Variants in MB21D2 observed in about 807,000 individuals in gnomAD.
MB21D2 encodes the protein Mab-21 domain containing 2, also known as nucleotidyltransferase MB21D2.
A neutral mutation model predicts 33.3 loss-of-function variants in MB21D2; 9 were observed. The observed-to-expected ratio is 0.27, with a 90% CI of 0.16 to 0.47. The LOEUF (loss-of-function observed/expected upper bound fraction) is 0.47, where lower values mean the gene tolerates loss of function less well. Ranked by LOEUF, MB21D2 falls within the 20% of genes least tolerant of loss-of-function variation. MB21D2 has a pLI of 0.99. For missense variants in MB21D2, 540 were observed against 624.6 expected (o/e 0.86, Z 1.44); for synonymous variants, 241 against 236.3 (o/e 1.02, Z -0.18).
Position 192,796,824 on chromosome 3 carries a change from C to T in MB21D2, c.*1562G>A, listed in dbSNP as rs1577163692. Reference sequence around the variant, plus strand: ...ACAAACAACAACAAAATTTCAAGGCCAGTATGTTTCTTTTTTTATTATTTT... The same window carrying T: ...ACAAACAACAACAAAATTTCAAGGCTAGTATGTTTCTTTTTTTATTATTTT... On this transcript the variant is annotated 3_prime_UTR_variant, in exon 2 of 2. Transcript: ENST00000392452. 1 of 151,872 alleles carries T rather than the reference C, an allele frequency of 6.6e-6. No individual in the cohort carries two copies. The highest frequency in any genetic ancestry group is 2.1e-4 in the South Asian group (1 of 4,812). 9.4% of individuals were successfully genotyped at this position (151,872 alleles called of 1,614,324 possible). A position where few individuals can be genotyped will look rare whatever the true frequency, so the allele number is the denominator to read the frequency against.
intron 1 of MB21D2, among the ~76,000 whole-genome samples, chr3:192,839,191 A>G (rs1712516021): frequency 6.6e-6 from 1 of 152,226 alleles, no homozygotes; most frequent in Non-Finnish European, 1.5e-5. Context: ...TACAATTACT[A>G]GCATGCTTAT....
At chr3:192,886,623 C>T (rs963153664) in intron 1 of MB21D2, among the ~76,000 whole-genome samples, 2 of 152,120 alleles carry the variant, frequency 1.3e-5, no homozygotes, top group Admixed American at 6.5e-5. Context: ...AAGCACATTT[C>T]ATACTTCTAC....
rs1720568017 is a variant in MB21D2 at position 192,798,417 on chromosome 3, G to A, written c.1445C>T (p.Pro482Leu). Reference sequence around the variant, plus strand: ...AAATTTGTCATCAATTCTGAAATGGGGCCTTGTGACATCGTCAGGATTGAT... The same window carrying A: ...AAATTTGTCATCAATTCTGAAATGGAGCCTTGTGACATCGTCAGGATTGAT... ...VFINPDDVTR[P>L]HFRIDDKFF The change falls in exon 2 of 2, where the codon CCC becomes CTC. Residue 482 changes from proline (P) to leucine (L), a missense_variant. By Grantham distance (98) the Pro-to-Leu change is moderately conservative. Transcript: ENST00000392452. The surrounding 1 kb of genome is among the most constrained non-coding windows in gnomAD (Gnocchi z 4.8). 1 of 1,614,040 alleles carries A rather than the reference G, an allele frequency of 6.2e-7. No individual in the cohort carries two copies. Among genetic ancestry groups the A allele is most frequent in the Admixed American group, 1.7e-5 (1 of 60,000 alleles).
At chr3:192,816,875 T>TAA (rs34663778) in intron 1 of MB21D2, among the ~76,000 whole-genome samples, 8 of 150,022 alleles carry the variant, frequency 5.3e-5, no homozygotes, top group African/African-American at 1.5e-4. Context: ...GTTTCCCCAT[T>TAA]AAAAAAAAAA....
chr3:192,868,827 C>T (rs1040074192), intron 1 of MB21D2, among the ~76,000 whole-genome samples: 1 of 152,122 alleles, frequency 6.6e-6, no homozygotes, highest in African/African-American at 2.4e-5. Context: ...GATAACCCAA[C>T]AGACTGACAT....
intron 1 of MB21D2, among the ~76,000 whole-genome samples, chr3:192,884,755 CAT>C (rs891006263): frequency 1.4e-4 from 22 of 152,084 alleles, no homozygotes; most frequent in African/African-American, 4.8e-4. Flanking sequence ...CACATGCACA[CAT>C]GTGTACAACT....
At chr3:192,871,759 G>A (rs534210128) in intron 1 of MB21D2, among the ~76,000 whole-genome samples, 21 of 152,068 alleles carry the variant, frequency 1.4e-4, no homozygotes, top group Non-Finnish European at 2.6e-4. Flanking sequence ...GGTTAACAGG[G>A]ATGCTTTTTA....
chr3:192,826,557 T>A (rs1712177038), intron 1 of MB21D2, among the ~76,000 whole-genome samples: 1 of 152,248 alleles, frequency 6.6e-6, no homozygotes, highest in African/African-American at 2.4e-5. Context: ...CCTACTTGTA[T>A]ATCATTGTGA....
intron 1 of MB21D2, among the ~76,000 whole-genome samples, chr3:192,891,229 T>C (rs750995940): frequency 9.2e-5 from 14 of 152,186 alleles, no homozygotes; most frequent in Non-Finnish European, 1.3e-4. Context: ...TTTTTAGACA[T>C]TGCCATCTAA....
intron 1 of MB21D2, among the ~76,000 whole-genome samples, chr3:192,851,704 T>C (rs141647912): frequency 4.5e-4 from 68 of 152,210 alleles, no homozygotes; most frequent in African/African-American, 1.6e-3. Flanking sequence ...TTTGCCATGT[T>C]TGCCAGGCTG....
chr3:192,893,546 C>A (rs534639039), intron 1 of MB21D2, among the ~76,000 whole-genome samples: 1 of 152,312 alleles, frequency 6.6e-6, no homozygotes, highest in South Asian at 2.1e-4. Flanking sequence ...GCTGCCAACA[C>A]CCCTTGACTG....
In MB21D2 at chr3:192,885,090, G is replaced by A. The variant is rs551359200; in HGVS notation, c.211+32540C>T. Among the ~76,000 whole-genome samples the A allele has an allele frequency of 3.0e-4, 45 of 152,046 alleles. 1 individual carries two copies. Among genetic ancestry groups the A allele is most frequent in the African/African-American group, 1.1e-3 (44 of 41,388 alleles). ...AGAGGACAAAAATTGGTTCTGTGAG[G>A]GAAATGAAATCATAATAGCAAGGGT... On this transcript the variant is annotated intron_variant, in intron 1 of 1. Coordinates refer to ENST00000392452, the MANE Select transcript of MB21D2 (RefSeq NM_178496.4).
chr3:192,798,245 C>T lies in MB21D2; in HGVS notation c.*141G>A. On this transcript the variant is annotated 3_prime_UTR_variant, in exon 2 of 2. Transcript: ENST00000392452. The surrounding 1 kb of genome is among the most constrained non-coding windows in gnomAD (Gnocchi z 4.8). ...ATACTGTTTCAGAGCCTGCACCATC[C>T]TGCAGAACCAGGAAACTTAAAATTT... The T allele has an allele frequency of 2.3e-6, 2 of 879,078 alleles. No homozygotes were observed. Among genetic ancestry groups the T allele is most frequent in the Non-Finnish European group, 3.4e-6 (2 of 583,196 alleles). 54.5% of individuals were successfully genotyped at this position (879,078 alleles called of 1,614,324 possible).
At chr3:192,848,458 A>G (rs554581620) in intron 1 of MB21D2, among the ~76,000 whole-genome samples, 4 of 152,362 alleles carry the variant, frequency 2.6e-5, no homozygotes, top group Admixed American at 1.3e-4. Flanking sequence ...AGTACTTTTA[A>G]ACTGTACTAC....
intron 1 of MB21D2, among the ~76,000 whole-genome samples, chr3:192,869,290 G>GGAGGAGGA (rs1346943584): frequency 7.8e-6 from 1 of 127,976 alleles, no homozygotes; most frequent in African/African-American, 3.3e-5. Context: ...AGGAAGGAGG[G>GGAGGAGGA]GAGGAGGGGA....
chr3:192,814,371 C>A (rs1209073803), intron 1 of MB21D2, among the ~76,000 whole-genome samples: 1 of 152,088 alleles, frequency 6.6e-6, no homozygotes, highest in Non-Finnish European at 1.5e-5. Context: ...GAATTGCCTA[C>A]CTGATAACTG....
intron 1 of MB21D2, among the ~76,000 whole-genome samples, chr3:192,821,363 T>C (rs1408593127): frequency 6.6e-6 from 1 of 152,180 alleles, no homozygotes; most frequent in Non-Finnish European, 1.5e-5. Flanking sequence ...TCCAGGTCAG[T>C]AGTGTGAACT....
At chr3:192,906,846 T>C (rs558564144) in intron 1 of MB21D2, among the ~76,000 whole-genome samples, 4 of 152,378 alleles carry the variant, frequency 2.6e-5, no homozygotes, top group African/African-American at 9.6e-5. Context: ...AATGAAGTTA[T>C]GAATGAATGA....
At chr3:192,898,330 C>T (rs74529788) in intron 1 of MB21D2, among the ~76,000 whole-genome samples, 1 of 151,688 alleles carries the variant, frequency 6.6e-6, no homozygotes, top group Non-Finnish European at 1.5e-5. Flanking sequence ...GCTGGGACTA[C>T]AGGTGTGCAT....
Sources: gnomAD v4.1 joint callset for allele counts (sites outside exome capture counted in the v4.1 genomes callset) on GRCh38, gnomAD v4.1.1 for gene constraint, Gnocchi (gnomAD v3.1) non-coding constraint, MANE v1.5 for transcripts, NCBI Gene and HGNC (gene_info 2026-07-23, HGNC 2026-07-21) for gene names.